The following STK3 variants were observed in gnomAD, a reference collection of about 807,000 sequenced individuals.
The protein encoded by STK3 is serine/threonine-protein kinase 3.
STK3 carries 41 observed loss-of-function variants against 58.0 expected under a neutral mutation model. That is an observed-to-expected ratio of 0.71 (90% confidence interval 0.55 to 0.92). The LOEUF is 0.92. Among genes scored for constraint, STK3 ranks in the 40% least tolerant of loss-of-function variants. The pLI is 0.00. For synonymous variants in STK3, 170 were observed against 191.0 expected, an observed-to-expected ratio of 0.89 and a Z score of 0.91; for missense variants, 479 against 602.7, an observed-to-expected ratio of 0.79 and a Z score of 2.15.
chr8:98,925,141 G>A (rs1225130466), intron 1 of STK3, among the ~76,000 whole-genome samples: 1 of 152,176 alleles, frequency 6.6e-6, no homozygotes, highest in Non-Finnish European at 1.5e-5. Flanking sequence ...GGGCCCATCT[G>A]CTCCCAAAGT....
intron 1 of STK3, among the ~76,000 whole-genome samples, chr8:98,808,980 A>G (rs1564022142): frequency 6.6e-6 from 1 of 152,160 alleles, no homozygotes; most frequent in Non-Finnish European, 1.5e-5. Flanking sequence ...TTAATCAATC[A>G]TGCCTACAGG....
intron 8 of STK3, among the ~76,000 whole-genome samples, chr8:98,559,385 A>G (rs1811836440): frequency 6.6e-6 from 1 of 152,148 alleles, no homozygotes; most frequent in Non-Finnish European, 1.5e-5. Flanking sequence ...ATATTCTCAG[A>G]GCTAAACGCA....
At chr8:98,631,196 A>G (rs942469409) in intron 6 of STK3, among the ~76,000 whole-genome samples, 6 of 152,090 alleles carry the variant, frequency 3.9e-5, no homozygotes, top group Admixed American at 3.3e-4. Flanking sequence ...TCCTGCTACA[A>G]TCCCTTCTCA....
chr8:98,688,163 A>C (rs533378237), intron 6 of STK3, among the ~76,000 whole-genome samples: 1 of 152,350 alleles, frequency 6.6e-6, no homozygotes, highest in African/African-American at 2.4e-5. Context: ...ACTGTAAAAA[A>C]GGACAAAAAA....
the STK3 span, among the ~76,000 whole-genome samples, chr8:98,344,536 G>A: frequency 1.3e-5 from 2 of 152,214 alleles, no homozygotes; most frequent in East Asian, 3.9e-4. Flanking sequence ...TTTTAGAGTG[G>A]GTTGGGCAAA....
At chr8:98,842,985 T>C (rs1325803709) in intron 3 of STK3, among the ~76,000 whole-genome samples, 1 of 151,834 alleles carries the variant, frequency 6.6e-6, no homozygotes, top group Non-Finnish European at 1.5e-5. Context: ...TACCATGTAC[T>C]CCAGCCTGGG....
chr8:98,825,031 T>A (rs936126922), intron 1 of STK3, among the ~76,000 whole-genome samples: 3 of 152,180 alleles, frequency 2.0e-5, no homozygotes, highest in Non-Finnish European at 4.4e-5. Flanking sequence ...ATATAAACTA[T>A]TAATAACAGT....
chr8:98,902,838 G>A (rs1375049184), intron 1 of STK3, among the ~76,000 whole-genome samples: 2 of 152,212 alleles, frequency 1.3e-5, no homozygotes, highest in Non-Finnish European at 2.9e-5. Context: ...TCACAACCCT[G>A]TGATTACCAT....
intron 1 of STK3, among the ~76,000 whole-genome samples, chr8:98,926,206 G>A (rs908904975): frequency 4.6e-5 from 7 of 152,178 alleles, no homozygotes; most frequent in African/African-American, 9.7e-5. Flanking sequence ...GGGTTGGGGG[G>A]AGAGCAGCTG....
the STK3 span, among the ~76,000 whole-genome samples, chr8:98,361,267 G>A: frequency 6.6e-6 from 1 of 152,112 alleles, no homozygotes; most frequent in Non-Finnish European, 1.5e-5. Context: ...CTTGCCTCCT[G>A]CCCACGGTGC....
At chr8:98,569,147 A>T (rs891955705) in intron 8 of STK3, among the ~76,000 whole-genome samples, 7 of 152,188 alleles carry the variant, frequency 4.6e-5, no homozygotes, top group Admixed American at 3.9e-4. Flanking sequence ...TCAAAATTAT[A>T]AAAGAAAGTT....
At chr8:98,501,039 G>T (rs149787516) in intron 10 of STK3, among the ~76,000 whole-genome samples, 1 of 152,068 alleles carries the variant, frequency 6.6e-6, no homozygotes, top group Non-Finnish European at 1.5e-5. Context: ...GTGTAAAAGC[G>T]TTCCTATTTC....
chr8:98,749,234 T>A, intron 4 of STK3, 42 bp downstream of exon 4: 3 of 1,378,080 alleles, frequency 2.2e-6, no homozygotes, highest in African/African-American at 1.4e-5. Flanking sequence ...AAAATATCAA[T>A]CTTTAGAAAT....
upstream of STK3, among the ~76,000 whole-genome samples, chr8:98,390,298 T>C (rs1817836056): frequency 6.6e-6 from 1 of 152,238 alleles, no homozygotes; most frequent in African/African-American, 2.4e-5. Flanking sequence ...TTTCATTGGA[T>C]ATAGAATTCT....
chr8:98,616,712 A>G (rs1587030125), intron 6 of STK3, among the ~76,000 whole-genome samples: 1 of 151,752 alleles, frequency 6.6e-6, no homozygotes, highest in Admixed American at 6.6e-5. Flanking sequence ...AAAGAGACAA[A>G]GAAGGCCATT....
chr8:98,375,387 G>A (rs1817663885), intron 2 of STK3, among the ~76,000 whole-genome samples: 1 of 152,064 alleles, frequency 6.6e-6, no homozygotes, highest in Admixed American at 6.5e-5. Flanking sequence ...CTTCAGAGAT[G>A]GCATGAATAT....
chr8:98,831,552 C>T (rs2131783514), intron 3 of STK3, among the ~76,000 whole-genome samples: 1 of 152,316 alleles, frequency 6.6e-6, no homozygotes, highest in South Asian at 2.1e-4. Context: ...CCGCCATGGC[C>T]AGCCTCATTT....
intron 6 of STK3, among the ~76,000 whole-genome samples, chr8:98,696,231 G>T (rs1021767375): frequency 6.6e-6 from 1 of 152,196 alleles, no homozygotes; most frequent in Non-Finnish European, 1.5e-5. Flanking sequence ...TGCTGAAGTT[G>T]TTTATCAGCT....
chr8:98,658,024 G>C (rs1462747476), intron 6 of STK3, among the ~76,000 whole-genome samples: 1 of 151,914 alleles, frequency 6.6e-6, no homozygotes, highest in East Asian at 1.9e-4. Flanking sequence ...TAGGAAAAGT[G>C]GGAAGAAATA....
Sources: gnomAD v4.1 joint callset for allele counts (sites outside exome capture counted in the v4.1 genomes callset) on GRCh38, gnomAD v4.1.1 for gene constraint, MANE v1.5 for transcripts, NCBI Gene and HGNC (gene_info 2026-07-23, HGNC 2026-07-21) for gene names.